Variants in LHFPL3 observed in about 807,000 individuals in gnomAD.
LHFPL3 encodes LHFPL tetraspan subfamily member 3 protein.
A neutral mutation model predicts 19.3 loss-of-function variants in LHFPL3; 5 were observed. That is an observed-to-expected ratio of 0.26 (90% CI 0.14 to 0.54). LHFPL3 has a LOEUF of 0.54. Among genes scored for constraint, LHFPL3 ranks in the 20% least tolerant of loss-of-function variants. LHFPL3 has a pLI of 0.94. For missense variants in LHFPL3, 249 were observed against 307.4 expected (o/e 0.81, Z 1.42); for synonymous variants, 133 against 126.2 (o/e 1.05, Z -0.36).
intron 1 of LHFPL3, among the ~76,000 whole-genome samples, chr7:104,339,180 G>A (rs1472729701): frequency 6.6e-6 from 1 of 152,098 alleles, no homozygotes; most frequent in Non-Finnish European, 1.5e-5. Context: ...CCCAGGAGGT[G>A]GACGTTGCAG....
chr7:104,568,011 A>AT (rs1562937393), intron 1 of LHFPL3, among the ~76,000 whole-genome samples: 1 of 152,154 alleles, frequency 6.6e-6, no homozygotes, highest in Admixed American at 6.5e-5. Flanking sequence ...AGGTTCAAAG[A>AT]TGTCAGAGCT....
intron 1 of LHFPL3, among the ~76,000 whole-genome samples, chr7:104,368,796 C>T (rs1284292904): frequency 2.6e-5 from 4 of 152,090 alleles, no homozygotes; most frequent in Non-Finnish European, 1.5e-5. Flanking sequence ...GATTGTTCTG[C>T]ACTGATATTA....
At chr7:104,356,571 G>T (rs1790280480) in intron 1 of LHFPL3, among the ~76,000 whole-genome samples, 1 of 152,042 alleles carries the variant, frequency 6.6e-6, no homozygotes, top group African/African-American at 2.4e-5. Flanking sequence ...AGGTTGGAGA[G>T]CACAGAACAA....
At chr7:104,770,381 CAT>C (rs1170369647) in intron 2 of LHFPL3, among the ~76,000 whole-genome samples, 2 of 152,158 alleles carry the variant, frequency 1.3e-5, no homozygotes, top group African/African-American at 4.8e-5. Context: ...TTCTATAAAA[CAT>C]AGCTGAGTTA....
intron 1 of LHFPL3, chr7:104,667,712 T>G: frequency 6.9e-7 from 1 of 1,439,590 alleles, no homozygotes; most frequent in Non-Finnish European, 9.6e-7. Flanking sequence ...AGAGGAGTAC[T>G]TAAAGAAATA....
At chr7:104,454,283 G>A (rs1271990330) in intron 1 of LHFPL3, among the ~76,000 whole-genome samples, 1 of 152,210 alleles carries the variant, frequency 6.6e-6, no homozygotes, top group Non-Finnish European at 1.5e-5. Context: ...AGCAGCATTA[G>A]TCAGACCATA....
chr7:104,645,241 T>C (rs985907998), intron 1 of LHFPL3, among the ~76,000 whole-genome samples: 1 of 152,210 alleles, frequency 6.6e-6, no homozygotes, highest in African/African-American at 2.4e-5. Context: ...ATGATGCATT[T>C]CTCCAACTCT....
intron 1 of LHFPL3, among the ~76,000 whole-genome samples, chr7:104,521,761 A>T (rs1350542235): frequency 6.6e-6 from 1 of 152,250 alleles, no homozygotes; most frequent in East Asian, 1.9e-4. Flanking sequence ...GAAGACATTT[A>T]TGTAGCCAAA....
In LHFPL3 at chr7:104,357,927, G is replaced by T. The variant is rs1036553520; in HGVS notation, c.445+28703G>T. Among the ~76,000 whole-genome samples the T allele has an allele frequency of 1.1e-3, 175 of 152,258 alleles. 1 individual carries two copies. Among genetic ancestry groups the T allele is most frequent in the East Asian group, 1.4e-3 (7 of 5,184 alleles). ...ATTAGTGTTTGATTGAAAAACTGGGGGTGCTGTACCCTAGTCTATTTATAC... is the reference window on the plus strand; with the variant it reads ...ATTAGTGTTTGATTGAAAAACTGGGTGTGCTGTACCCTAGTCTATTTATAC... On this transcript the variant is annotated intron_variant, in intron 1 of 2. Coordinates refer to ENST00000424859, the MANE Select transcript of LHFPL3 (RefSeq NM_199000.3).
At chr7:104,650,011 T>G (rs1468862) in intron 1 of LHFPL3, among the ~76,000 whole-genome samples, 150,965 of 152,308 alleles carry the variant, frequency 0.99, 74,822 homozygotes, top group East Asian at 1. Flanking sequence ...AAGAAGCACT[T>G]CCCCAGTACA....
chr7:104,714,494 A>G (rs1453514776), intron 1 of LHFPL3, among the ~76,000 whole-genome samples: 1 of 152,100 alleles, frequency 6.6e-6, no homozygotes, highest in Admixed American at 6.5e-5. Context: ...AAAAGAACTC[A>G]AACAATTTGC....
intron 1 of LHFPL3, among the ~76,000 whole-genome samples, chr7:104,483,430 T>C (rs1793175612): frequency 6.6e-6 from 1 of 152,234 alleles, no homozygotes; most frequent in African/African-American, 2.4e-5. Flanking sequence ...GGCTTTTAAA[T>C]TGATGATCTA....
chr7:104,529,418 G>C (rs57637834), intron 1 of LHFPL3, among the ~76,000 whole-genome samples: 2 of 152,062 alleles, frequency 1.3e-5, no homozygotes, highest in Non-Finnish European at 2.9e-5. Flanking sequence ...AGGGTTATGA[G>C]TGCATGACTG....
intron 1 of LHFPL3, among the ~76,000 whole-genome samples, chr7:104,488,535 C>T (rs925728864): frequency 6.6e-6 from 1 of 152,142 alleles, no homozygotes; most frequent in South Asian, 2.1e-4. Context: ...ATCTGTCTCT[C>T]TCTCTCTCTC....
chr7:104,465,163 C>T (rs1182116394), intron 1 of LHFPL3, among the ~76,000 whole-genome samples: 2 of 152,142 alleles, frequency 1.3e-5, no homozygotes, highest in East Asian at 3.9e-4. Context: ...TCTGAAACCA[C>T]CTCAGCCTGG....
intron 1 of LHFPL3, among the ~76,000 whole-genome samples, chr7:104,661,903 A>T (rs959788536): frequency 3.3e-5 from 5 of 152,118 alleles, no homozygotes; most frequent in African/African-American, 1.2e-4. Context: ...TGGGTCCATT[A>T]TTAAGTAAAA....
intron 1 of LHFPL3, among the ~76,000 whole-genome samples, chr7:104,734,768 C>T (rs893720456): frequency 1.1e-4 from 17 of 152,204 alleles, no homozygotes; most frequent in Admixed American, 5.9e-4. Context: ...TGAGGAGCTG[C>T]GTTCCTTTGG....
In LHFPL3 at chr7:104,875,909, G is replaced by A. The variant is rs185667342; in HGVS notation, c.683-30278G>A. ...TCATTTGCACACTTCTCTCTCCCAC[G>A]CACCAGACTATCAGCTCCTCCTGGC... On this transcript the variant is annotated intron_variant, in intron 2 of 2. Coordinates refer to ENST00000424859, the MANE Select transcript of LHFPL3 (RefSeq NM_199000.3). 2.8e-3 allele frequency among the ~76,000 whole-genome samples: 419 copies of A among 152,132 alleles called. 1 individual carries two copies. Among genetic ancestry groups the A allele is most frequent in the Non-Finnish European group, 4.6e-3 (312 of 68,010 alleles).
chr7:104,523,643 A>G (rs1263189967), intron 1 of LHFPL3, among the ~76,000 whole-genome samples: 3 of 152,202 alleles, frequency 2.0e-5, no homozygotes, highest in Non-Finnish European at 4.4e-5. Flanking sequence ...ACTTAGATAT[A>G]GAAATACATG....
Sources: allele counts gnomAD v4.1 joint callset (sites outside exome capture counted in the v4.1 genomes callset), GRCh38; gene constraint gnomAD v4.1.1; transcripts MANE v1.5; gene names NCBI Gene and HGNC (gene_info 2026-07-23, HGNC 2026-07-21).